The following SAMD5 variants were observed in gnomAD, a reference collection of about 807,000 sequenced individuals.
SAMD5 encodes sterile alpha motif domain containing 5.
Under a neutral mutation model 11.3 loss-of-function variants are expected in SAMD5, and 13 were observed. The ratio of observed to expected loss-of-function variants is 1.15; its 90% confidence interval spans 0.75 to 1.83. SAMD5 has a LOEUF of 1.83. Ranked by LOEUF, SAMD5 falls within the 40% of genes most tolerant of loss-of-function variation. SAMD5 has a pLI of 0.00. For missense variants in SAMD5, 255 were observed against 239.1 expected, an observed-to-expected ratio of 1.07 and a Z score of -0.44; for synonymous variants, 129 against 111.3, an observed-to-expected ratio of 1.16 and a Z score of -1.00.
At chr6:147,852,319 A>G in the SAMD5 span, among the ~76,000 whole-genome samples, 1 of 152,264 alleles carries the variant, frequency 6.6e-6, no homozygotes, top group South Asian at 2.1e-4. Context: ...ATTTAAACTC[A>G]GTAAAATAAA....
the SAMD5 span, among the ~76,000 whole-genome samples, chr6:147,798,276 C>T: frequency 2.0e-5 from 3 of 150,082 alleles, no homozygotes; most frequent in South Asian, 4.3e-4. Context: ...TGTCTTTGTT[C>T]TCATTTGTTT....
At chr6:147,908,700 C>T in the SAMD5 span, among the ~76,000 whole-genome samples, 2 of 152,118 alleles carry the variant, frequency 1.3e-5, no homozygotes, top group Non-Finnish European at 2.9e-5. Context: ...CAGAGAGAGA[C>T]ACTGAAACAA....
intron 1 of SAMD5, among the ~76,000 whole-genome samples, chr6:147,672,407 G>T (rs1230793116): frequency 6.6e-6 from 1 of 152,044 alleles, no homozygotes; most frequent in African/African-American, 2.4e-5. Context: ...AATATAAAGA[G>T]AAAATGCTTC....
chr6:147,819,181 C>T, the SAMD5 span, among the ~76,000 whole-genome samples: 3 of 152,166 alleles, frequency 2.0e-5, no homozygotes, highest in African/African-American at 4.8e-5. Context: ...TTCTCAGGGA[C>T]ATGGATGGAG....
intron 1 of SAMD5, among the ~76,000 whole-genome samples, chr6:147,647,005 TAATAATA>T (rs1790415190): frequency 1.2e-5 from 1 of 84,284 alleles, no homozygotes; most frequent in Non-Finnish European, 2.9e-5. Context: ...ATAATAATAA[TAATAATA>T]ATAAAATAGC....
At chr6:147,844,966 A>T in the SAMD5 span, among the ~76,000 whole-genome samples, 1 of 152,128 alleles carries the variant, frequency 6.6e-6, no homozygotes, top group African/African-American at 2.4e-5. Context: ...TGTATATTTC[A>T]AATAGCTAAA....
In SAMD5 at chr6:147,568,943, A is replaced by G; in HGVS notation, c.*4487A>G. 1 of 975,566 alleles carries G rather than the reference A, an allele frequency of 1.0e-6. No homozygotes were observed. The highest frequency in any genetic ancestry group is 1.2e-6 in the Non-Finnish European group (1 of 820,976). The allele number at this position is 975,566 out of a possible 1,614,324, so 60.4% of individuals were successfully genotyped here. ...AAAATGGTAGGTAGTTCAGAAAAAA[A>G]TGGCTGGGCACGGTGGCTCACGCCT... On this transcript the variant is annotated 3_prime_UTR_variant, in exon 2 of 2. Transcript: ENST00000367474.
At chr6:147,740,113 C>T (rs935377299), downstream of SAMD5, among the ~76,000 whole-genome samples, 2 of 152,194 alleles carry the variant, frequency 1.3e-5, no homozygotes, top group African/African-American at 2.4e-5. Flanking sequence ...CCACCACACC[C>T]GACCATTTAT....
At chr6:147,512,746 A>G (rs1788108975) in intron 1 of SAMD5, among the ~76,000 whole-genome samples, 1 of 152,104 alleles carries the variant, frequency 6.6e-6, no homozygotes, top group Non-Finnish European at 1.5e-5. Context: ...TCTCTATGCC[A>G]GGCCTTCTGT....
the SAMD5 span, among the ~76,000 whole-genome samples, chr6:147,857,190 A>G: frequency 6.6e-6 from 1 of 151,706 alleles, no homozygotes; most frequent in Admixed American, 6.6e-5. Flanking sequence ...CATTTCGGTC[A>G]CTTTGTTTGC....
the SAMD5 span, among the ~76,000 whole-genome samples, chr6:147,761,209 A>C: frequency 1.3e-5 from 2 of 152,144 alleles, no homozygotes; most frequent in African/African-American, 4.8e-5. Flanking sequence ...TTTCAACCTT[A>C]ATATTCTTAA....
chr6:147,527,728 C>T (rs1788364906), intron 1 of SAMD5, among the ~76,000 whole-genome samples: 1 of 152,112 alleles, frequency 6.6e-6, no homozygotes, highest in Admixed American at 6.6e-5. Flanking sequence ...CACCTGTGAG[C>T]CTGTAAAATC....
At chr6:147,622,823 T>G (rs1789990245) in intron 1 of SAMD5, among the ~76,000 whole-genome samples, 1 of 152,152 alleles carries the variant, frequency 6.6e-6, no homozygotes, top group Non-Finnish European at 1.5e-5. Context: ...AACTCACAGT[T>G]CCACATGGAT....
the SAMD5 span, among the ~76,000 whole-genome samples, chr6:147,809,034 T>C: frequency 6.6e-6 from 1 of 152,216 alleles, no homozygotes; most frequent in Non-Finnish European, 1.5e-5. Context: ...TTGGATTGCA[T>C]GTATAGTGAG....
At chr6:147,777,374 G>C in the SAMD5 span, among the ~76,000 whole-genome samples, 7 of 152,056 alleles carry the variant, frequency 4.6e-5, no homozygotes, top group African/African-American at 1.7e-4. Context: ...CAGTCATTTC[G>C]CTTGACCTTT....
At chr6:147,673,677 A>T (rs895591193) in intron 1 of SAMD5, among the ~76,000 whole-genome samples, 1 of 152,106 alleles carries the variant, frequency 6.6e-6, no homozygotes, top group Non-Finnish European at 1.5e-5. Context: ...CATTTTTTTA[A>T]TCAGATGTAT....
the SAMD5 span, among the ~76,000 whole-genome samples, chr6:147,919,646 A>T: frequency 6.6e-6 from 1 of 152,050 alleles, no homozygotes; most frequent in African/African-American, 2.4e-5. Flanking sequence ...AGGCCTGACC[A>T]TATTGACTGA....
chr6:147,734,200 C>A (rs1348513979), intron 1 of SAMD5, among the ~76,000 whole-genome samples: 1 of 152,056 alleles, frequency 6.6e-6, no homozygotes, highest in East Asian at 1.9e-4. Context: ...TGTTGCATTT[C>A]TTTGTAAAAT....
At chr6:147,803,325 A>G in the SAMD5 span, among the ~76,000 whole-genome samples, 3 of 152,152 alleles carry the variant, frequency 2.0e-5, no homozygotes, top group African/African-American at 4.8e-5. Context: ...CTTGTAAAAT[A>G]TATCTTCAAT....
Sources: allele counts gnomAD v4.1 joint callset (sites outside exome capture counted in the v4.1 genomes callset), GRCh38; gene constraint gnomAD v4.1.1; transcripts MANE v1.5; gene names NCBI Gene and HGNC (gene_info 2026-07-23, HGNC 2026-07-21).